ADCY2: variants seen among roughly 807,000 people sequenced by gnomAD.
ADCY2 encodes adenylate cyclase 2, also known as adenylate cyclase type 2.
In ADCY2, 31 loss-of-function variants were observed where a neutral mutation model predicts 125.2. The ratio of observed to expected loss-of-function variants is 0.25; its 90% CI spans 0.19 to 0.33. The LOEUF (loss-of-function observed/expected upper bound fraction) is 0.33, where lower values mean the gene tolerates loss of function less well. Ranked by LOEUF, ADCY2 falls within the 10% of genes least tolerant of loss-of-function variation. ADCY2 has a pLI of 1.00. For missense variants in ADCY2, 904 were observed against 1,418.2 expected, an observed-to-expected ratio of 0.64 and a Z score of 5.82; for synonymous variants, 512 against 548.4, an observed-to-expected ratio of 0.93 and a Z score of 0.93.
At chr5:7,728,865 C>A (rs1255996876) in intron 14 of ADCY2, among the ~76,000 whole-genome samples, 2 of 152,030 alleles carry the variant, frequency 1.3e-5, no homozygotes, top group Admixed American at 1.3e-4. Flanking sequence ...AAGATGCCTC[C>A]AAAGAAGACA....
At position 7,828,765 on chromosome 5, in the gene ADCY2, TCAAACTGG is replaced by T. The variant is rs1249340005; in HGVS notation, c.*1896_*1903del. On this transcript the variant is annotated 3_prime_UTR_variant, in exon 25 of 25. Transcript: ENST00000338316. Reference sequence around the variant, plus strand: ...CGGATGCCGTAGCGTTTCCGTGAGCTCAAACTGGCCTTGGTGTAAAATGTGTAAGGATG... The same window carrying T: ...CGGATGCCGTAGCGTTTCCGTGAGCTCCTTGGTGTAAAATGTGTAAGGATG... 2.6e-5 allele frequency: 4 copies of T among 152,290 alleles called. No homozygotes were observed. In the East Asian group the frequency reaches 7.5e-4, roughly 29 times the overall value. The allele number at this position is 152,290 out of a possible 1,614,324, so 9.4% of individuals were successfully genotyped here.
intron 2 of ADCY2, among the ~76,000 whole-genome samples, chr5:7,464,022 A>T (rs146752208): frequency 1.3e-3 from 202 of 152,322 alleles, no homozygotes; most frequent in African/African-American, 4.7e-3. Flanking sequence ...GAGATTTTGA[A>T]TAGAGAAATG....
intron 3 of ADCY2, among the ~76,000 whole-genome samples, chr5:7,589,511 A>AAAGAAAGAAAGAAAGAAAGAAAG (rs757777978): frequency 1.6e-4 from 18 of 110,454 alleles, no homozygotes; most frequent in African/African-American, 4.9e-4. Context: ...AGAAAGAAAG[A>AAAGAAAGAAAGAAAGAAAGAAAG]AAAGAAAAGA....
chr5:7,442,932 G>T (rs6859782), intron 2 of ADCY2, among the ~76,000 whole-genome samples: 124,167 of 152,084 alleles, frequency 0.82, 51,354 homozygotes, highest in African/African-American at 0.92. Context: ...TTCTTATGTA[G>T]TTGATGTGTT....
chr5:7,510,727 T>C (rs1484753935), intron 2 of ADCY2, among the ~76,000 whole-genome samples: 2 of 152,194 alleles, frequency 1.3e-5, no homozygotes, highest in African/African-American at 4.8e-5. Flanking sequence ...GTAAAAGTCA[T>C]GAGACCCAGG....
intron 22 of ADCY2, among the ~76,000 whole-genome samples, chr5:7,807,911 G>C (rs527391128): frequency 6.6e-6 from 1 of 152,120 alleles, no homozygotes; most frequent in African/African-American, 2.4e-5. Context: ...TCCAGGTATG[G>C]TGCACCCATG....
intron 4 of ADCY2, among the ~76,000 whole-genome samples, chr5:7,626,977 C>A (rs1738152800): frequency 6.6e-6 from 1 of 152,336 alleles, no homozygotes; most frequent in South Asian, 2.1e-4. Context: ...ATACGCCAAC[C>A]ATCATCAACA....
chr5:7,488,637 T>A (rs1390564179), intron 2 of ADCY2, among the ~76,000 whole-genome samples: 1 of 152,248 alleles, frequency 6.6e-6, no homozygotes, highest in African/African-American at 2.4e-5. Flanking sequence ...TTAGGGGCAA[T>A]GGAGAGAGTG....
At chr5:7,469,537 A>G (rs1212096759) in intron 2 of ADCY2, among the ~76,000 whole-genome samples, 1 of 151,944 alleles carries the variant, frequency 6.6e-6, no homozygotes, top group Non-Finnish European at 1.5e-5. Flanking sequence ...TATCTCCCAG[A>G]TCATTTCATA....
chr5:7,688,493 T>C (rs920731618), intron 4 of ADCY2, among the ~76,000 whole-genome samples: 2 of 151,988 alleles, frequency 1.3e-5, no homozygotes, highest in African/African-American at 2.4e-5. Flanking sequence ...GGTCTCAAAC[T>C]CCCGACCTCA....
At chr5:7,601,958 T>C (rs1436588776) in intron 3 of ADCY2, among the ~76,000 whole-genome samples, 1 of 152,200 alleles carries the variant, frequency 6.6e-6, no homozygotes, top group Admixed American at 6.5e-5. Context: ...CTCTGGAGGC[T>C]CTACGGGAGG....
intron 4 of ADCY2, among the ~76,000 whole-genome samples, chr5:7,671,639 C>T (rs569913028): frequency 3.9e-5 from 6 of 152,222 alleles, no homozygotes; most frequent in African/African-American, 1.2e-4. Flanking sequence ...ATGACATGTG[C>T]GTTCTTCTAA....
At chr5:7,774,530 AAAG>A in intron 18 of ADCY2, among the ~76,000 whole-genome samples, 1 of 152,230 alleles carries the variant, frequency 6.6e-6, no homozygotes, top group Non-Finnish European at 1.5e-5. Context: ...ATCTGCAGCA[AAAG>A]AAGAAATCAG....
At chr5:7,621,633 G>C (rs1243741741) in intron 3 of ADCY2, among the ~76,000 whole-genome samples, 3 of 152,204 alleles carry the variant, frequency 2.0e-5, no homozygotes, top group Non-Finnish European at 4.4e-5. Context: ...TGATTGCGCT[G>C]CTCTCTGTAC....
intron 14 of ADCY2, among the ~76,000 whole-genome samples, chr5:7,732,731 GAATT>G (rs1238101460): frequency 1.3e-5 from 2 of 152,036 alleles, no homozygotes; most frequent in Non-Finnish European, 2.9e-5. Context: ...AAAAGGGAAA[GAATT>G]AAATGAGTGA....
At chr5:7,479,838 A>G (rs556265975) in intron 2 of ADCY2, among the ~76,000 whole-genome samples, 30 of 152,232 alleles carry the variant, frequency 2.0e-4, no homozygotes, top group African/African-American at 6.7e-4. Context: ...AATGGGTGAG[A>G]ATGTGCAAAG....
At chr5:7,622,289 A>G (rs1020629049) in intron 3 of ADCY2, among the ~76,000 whole-genome samples, 6 of 152,214 alleles carry the variant, frequency 3.9e-5, no homozygotes, top group African/African-American at 9.6e-5. Flanking sequence ...ATTATTTAGG[A>G]CATCAATTGT....
chr5:7,547,217 C>G (rs1043052069), intron 3 of ADCY2, among the ~76,000 whole-genome samples: 1 of 152,196 alleles, frequency 6.6e-6, no homozygotes, highest in Non-Finnish European at 1.5e-5. Context: ...GATTTATTCT[C>G]TCATCCAATG....
rs959813505 is a variant in ADCY2 at position 7,827,689 on chromosome 5, A to G, written c.*818A>G. ...TGAGATGTAATTCAGATTAGGACAC[A>G]GTGTGTGACGCAGATAACTGGTTAC... is the stretch of plus-strand genomic sequence containing the variant. On this transcript the variant is annotated 3_prime_UTR_variant, in exon 25 of 25. Transcript: ENST00000338316. 18 of 152,366 alleles carry G rather than the reference A, an allele frequency of 1.2e-4. No individual in the cohort carries two copies. Among genetic ancestry groups the G allele is most frequent in the Admixed American group, 1.0e-3 (16 of 15,276 alleles). 9.4% of individuals were successfully genotyped at this position (152,366 alleles called of 1,614,324 possible). A position where few individuals can be genotyped will look rare whatever the true frequency, so the allele number is the denominator to read the frequency against.
Sources: gnomAD v4.1 joint callset for allele counts (sites outside exome capture counted in the v4.1 genomes callset) on GRCh38, gnomAD v4.1.1 for gene constraint, MANE v1.5 for transcripts, NCBI Gene and HGNC (gene_info 2026-07-23, HGNC 2026-07-21) for gene names.